The following NCOR1 variants were observed in gnomAD, a reference collection of about 807,000 sequenced individuals.
NCOR1 encodes the protein protein phosphatase 1, regulatory subunit 109.
NCOR1 carries 63 observed loss-of-function variants against 288.1 expected under a neutral mutation model. The observed-to-expected ratio is 0.22, with a 90% CI of 0.18 to 0.27. The LOEUF (loss-of-function observed/expected upper bound fraction) is 0.27. Among genes scored for constraint, NCOR1 ranks in the 10% least tolerant of loss-of-function variants. The pLI is 1.00. For missense variants in NCOR1, 2,397 were observed against 3,019.2 expected (o/e 0.79, Z 4.83); for synonymous variants, 1,007 against 1,065.9 (o/e 0.94, Z 1.08).
chr17:16,140,749 G>A (rs1197642401), intron 11 of NCOR1, among the ~76,000 whole-genome samples: 2 of 152,178 alleles, frequency 1.3e-5, no homozygotes, highest in African/African-American at 2.4e-5. Context: ...GGGACGCGGA[G>A]GTTGCAGTGA....
At chr17:16,125,618 C>T (rs371867390) in intron 15 of NCOR1, among the ~76,000 whole-genome samples, 63 of 144,098 alleles carry the variant, frequency 4.4e-4, no homozygotes, top group East Asian at 2.1e-4. Flanking sequence ...AGGAGAATGG[C>T]GTGAACCTGG....
chr17:16,193,134 G>A (rs1476705278), intron 2 of NCOR1, among the ~76,000 whole-genome samples: 2 of 152,128 alleles, frequency 1.3e-5, no homozygotes, highest in African/African-American at 2.4e-5. Flanking sequence ...ATGGTTGTAT[G>A]AGTTTATGAC....
chr17:16,078,169 G>A (rs1203517947), intron 26 of NCOR1, among the ~76,000 whole-genome samples: 2 of 152,214 alleles, frequency 1.3e-5, no homozygotes, highest in South Asian at 4.1e-4. Context: ...AGAGAGAGCA[G>A]CTTGGTGTAA....
At chr17:16,121,024 C>T in intron 16 of NCOR1, 28 bp downstream of exon 16, 1 of 1,588,184 alleles carries the variant, frequency 6.3e-7, no homozygotes, top group Non-Finnish European at 8.6e-7. Flanking sequence ...AAAATTATGG[C>T]CTGTTTATGC....
intron 11 of NCOR1, 70 bp downstream of exon 11, chr17:16,143,536 C>T: frequency 2.5e-6 from 3 of 1,208,898 alleles, no homozygotes; most frequent in Non-Finnish European, 3.6e-6. Flanking sequence ...ACAAAAAAAC[C>T]CTTAGCTCCT....
rs529722391 is a variant in NCOR1 at position 16,050,828 on chromosome 17, ATTTTT to A, written c.6393-1845_6393-1841del. Among the ~76,000 whole-genome samples the A allele has an allele frequency of 3.2e-3, 470 of 148,954 alleles. 2 individuals carry two copies. The highest frequency in any genetic ancestry group is 0.011 in the African/African-American group (447 of 38,946). On this transcript the variant is annotated intron_variant, in intron 40 of 45. Coordinates refer to ENST00000268712, the MANE Select transcript of NCOR1 (RefSeq NM_006311.4). Reference sequence around the variant, plus strand: ...TGCCTTCTCTGTTGTTGCCCATTTTATTTTTATTTTTATTTTTATTTTTGAGACAG... The same window carrying A: ...TGCCTTCTCTGTTGTTGCCCATTTTAATTTTTATTTTTATTTTTGAGACAG...
intron 14 of NCOR1, among the ~76,000 whole-genome samples, chr17:16,129,359 T>A (rs73981464): frequency 0.042 from 6,472 of 152,304 alleles, 149 homozygotes; most frequent in East Asian, 0.07. Flanking sequence ...ATTTTCACAG[T>A]CCAGTGAGAA....
chr17:16,178,498 CAA>C (rs564320622), intron 3 of NCOR1, among the ~76,000 whole-genome samples: 4 of 32,800 alleles, frequency 1.2e-4, no homozygotes, highest in African/African-American at 3.2e-4. Context: ...GACTCCGTCT[CAA>C]AAAAAAAAAA....
chr17:16,141,271 T>A (rs1409335307), intron 11 of NCOR1, among the ~76,000 whole-genome samples: 1 of 152,138 alleles, frequency 6.6e-6, no homozygotes, highest in Non-Finnish European at 1.5e-5. Context: ...ATATTGTAAT[T>A]GTCCCTAAAG....
chr17:16,196,966 G>T (rs1178371856), intron 1 of NCOR1, among the ~76,000 whole-genome samples: 1 of 151,964 alleles, frequency 6.6e-6, no homozygotes, highest in African/African-American at 2.4e-5. Context: ...GCAGTGAGCC[G>T]TGATTGTGCC....
In NCOR1 at chr17:16,057,919, A is replaced by G. The variant is rs776180390; in HGVS notation, c.6156T>C (p.Ala2052=). The change falls in exon 39 of 46, where the codon GCT becomes GCC. Residue 2052 remains alanine, a synonymous_variant. Transcript: ENST00000268712. Reference sequence around the variant, plus strand: ...ATGAAAAACTTACACAGATGTGATCAGCAAGTGTGATCAGCCGATGGGTCC... The same window carrying G: ...ATGAAAAACTTACACAGATGTGATCGGCAAGTGTGATCAGCCGATGGGTCC... The part of the protein sequence containing the change: ...VPRTHRLITL[A]DHICQIITQD... 5.0e-6 allele frequency: 8 copies of G among 1,609,104 alleles called. No homozygotes were observed. In the African/African-American group the frequency reaches 1.1e-4, roughly 21 times the overall value.
intron 40 of NCOR1, among the ~76,000 whole-genome samples, chr17:16,056,452 C>T (rs2059940761): frequency 6.6e-6 from 1 of 151,716 alleles, no homozygotes. Flanking sequence ...GCTGGGATTA[C>T]AGGCACCTGC....
chr17:16,199,336 C>A (rs2090443575), intron 1 of NCOR1, among the ~76,000 whole-genome samples: 1 of 151,996 alleles, frequency 6.6e-6, no homozygotes. Context: ...AGCCTGGAGA[C>A]CACGACAACC....
intron 1 of NCOR1, among the ~76,000 whole-genome samples, chr17:16,206,953 A>T (rs1243329286): frequency 2.6e-5 from 4 of 152,182 alleles, no homozygotes; most frequent in Non-Finnish European, 5.9e-5. Context: ...GAAAGATAAG[A>T]TTTTAAAATA....
At chr17:16,212,921 A>T (rs991247020) in intron 1 of NCOR1, among the ~76,000 whole-genome samples, 1 of 152,048 alleles carries the variant, frequency 6.6e-6, no homozygotes, top group African/African-American at 2.4e-5. Flanking sequence ...ACAAAAAAAA[A>T]AATTAACCAG....
chr17:16,213,489 CAAA>C (rs537795184), intron 1 of NCOR1, among the ~76,000 whole-genome samples: 11 of 78,132 alleles, frequency 1.4e-4, no homozygotes, highest in African/African-American at 4.2e-4. Flanking sequence ...AAGACTGTCT[CAAA>C]AAAAAAAAAA....
rs781750291 is a variant in NCOR1 at position 16,070,373 on chromosome 17, A to G, written c.4305T>C (p.Tyr1435=). 10 of 1,614,084 alleles carry G rather than the reference A, an allele frequency of 6.2e-6. No homozygotes were observed. Among genetic ancestry groups the G allele is most frequent in the Non-Finnish European group, 8.5e-6 (10 of 1,180,022 alleles). ...ENIKVVERGK[Y]EDVKAGETVR... ...CGGTCTCGCCTGCTTTCACATCCTC[A>G]TATTTTCCCCGTTCTACCACTTTTA... Residue 1435 remains tyrosine (Y), a synonymous_variant, in exon 31 of 46, where the codon TAT becomes TAC. Coordinates refer to ENST00000268712, the MANE Select transcript of NCOR1 (RefSeq NM_006311.4).
intron 5 of NCOR1, among the ~76,000 whole-genome samples, chr17:16,161,618 T>C (rs533256398): frequency 6.6e-6 from 1 of 152,308 alleles, no homozygotes; most frequent in Non-Finnish European, 1.5e-5. Flanking sequence ...TTACATTAAC[T>C]TTACAATGTA....
chr17:16,115,714 C>G (rs1207794461), intron 18 of NCOR1, among the ~76,000 whole-genome samples: 2 of 152,198 alleles, frequency 1.3e-5, no homozygotes, highest in Non-Finnish European at 2.9e-5. Flanking sequence ...TCACCTCAGC[C>G]TGGACCTTAT....
Sources: gnomAD v4.1 joint callset for allele counts (sites outside exome capture counted in the v4.1 genomes callset) on GRCh38, gnomAD v4.1.1 for gene constraint, MANE v1.5 for transcripts, NCBI Gene and HGNC (gene_info 2026-07-23, HGNC 2026-07-21) for gene names.